DSCAM: variants seen among roughly 807,000 people sequenced by gnomAD.
The protein encoded by DSCAM is DS cell adhesion molecule, also known as cell adhesion molecule DSCAM.
A neutral mutation model predicts 217.7 loss-of-function variants in DSCAM; 47 were observed. The ratio of observed to expected loss-of-function variants is 0.22; its 90% CI spans 0.17 to 0.28. DSCAM has a LOEUF of 0.28. DSCAM is among the 10% of genes least tolerant of loss of function. The pLI is 1.00. For missense variants in DSCAM, 2,080 were observed against 2,618.3 expected, an observed-to-expected ratio of 0.79 and a Z score of 4.49; for synonymous variants, 1,056 against 1,015.3, an observed-to-expected ratio of 1.04 and a Z score of -0.76.
In DSCAM at chr21:40,093,854, G is replaced by C; in HGVS notation, c.3717C>G (p.Ala1239=). The C allele has an allele frequency of 1.2e-6, 2 of 1,613,768 alleles. No individual in the cohort carries two copies. The highest frequency in any genetic ancestry group is 1.7e-6 in the Non-Finnish European group (2 of 1,179,930). The change falls in exon 21 of 33, where the codon GCC becomes GCG. Residue 1239 remains alanine (A), a synonymous_variant. Transcript: ENST00000400454. ...PYPTVISEFE[A]SPDSFSYRIP... is the part of the protein sequence containing the mutation. ...TTCTGTAGGAAAACGAGTCGGGAGAGGCCTCAAACTCGCTGATCACCTGTA... is the reference window on the plus strand; with the variant it reads ...TTCTGTAGGAAAACGAGTCGGGAGACGCCTCAAACTCGCTGATCACCTGTA...
intron 3 of DSCAM, among the ~76,000 whole-genome samples, chr21:40,665,015 G>A (rs1293000569): frequency 1.3e-5 from 2 of 152,110 alleles, no homozygotes; most frequent in African/African-American, 2.4e-5. Context: ...TGTGGTGTGC[G>A]TGCTCCTGCT....
At chr21:40,384,333 C>T (rs146378121) in intron 3 of DSCAM, among the ~76,000 whole-genome samples, 3 of 152,086 alleles carry the variant, frequency 2.0e-5, no homozygotes, top group Non-Finnish European at 4.4e-5. Context: ...GAAGGCCTGG[C>T]GTGGTGGCTC....
At chr21:40,108,580 G>A (rs558749949) in intron 20 of DSCAM, among the ~76,000 whole-genome samples, 6 of 152,196 alleles carry the variant, frequency 3.9e-5, no homozygotes, top group African/African-American at 7.2e-5. Flanking sequence ...TACTACCCAC[G>A]CAACTTATAG....
At chr21:40,685,331 T>C (rs960796771) in intron 3 of DSCAM, among the ~76,000 whole-genome samples, 1 of 152,158 alleles carries the variant, frequency 6.6e-6, no homozygotes, top group Non-Finnish European at 1.5e-5. Flanking sequence ...ATTGGCAGCG[T>C]TCCCACCACC....
At chr21:40,278,280 T>C (rs2073715269) in intron 10 of DSCAM, among the ~76,000 whole-genome samples, 1 of 152,192 alleles carries the variant, frequency 6.6e-6, no homozygotes, top group African/African-American at 2.4e-5. Context: ...ATGCTTAACA[T>C]TTTCAGAAAG....
intron 4 of DSCAM, among the ~76,000 whole-genome samples, chr21:40,359,277 T>C (rs756235448): frequency 6.6e-6 from 1 of 152,210 alleles, no homozygotes; most frequent in African/African-American, 2.4e-5. Context: ...TGCTTAAGAA[T>C]GCCCCCTCAG....
chr21:40,452,756 T>C (rs775105948), intron 3 of DSCAM, among the ~76,000 whole-genome samples: 4 of 151,962 alleles, frequency 2.6e-5, no homozygotes, highest in Non-Finnish European at 4.4e-5. Flanking sequence ...TGCAAACCAT[T>C]CTCTACCAAG....
In DSCAM at chr21:40,369,155, C is replaced by T. The variant is rs1271387824; in HGVS notation, c.599G>A (p.Arg200Gln). The T allele has an allele frequency of 9.9e-6, 16 of 1,613,200 alleles. No homozygotes were observed. Among genetic ancestry groups the T allele is most frequent in the Admixed American group, 5.0e-5 (3 of 59,862 alleles). The stretch of plus-strand genomic sequence containing the variant: ...CCTCGTCTCTCCGGTGTATCGATGC[C>T]GCGTGATGCAGCGGTAGTTATACAA... ...DGLYNYRCIT[R>Q]HRYTGETRQS... The change falls in exon 4 of 33, where the codon CGG becomes CAG. Residue 200 changes from arginine (R) to glutamine (Q), a missense_variant. Physicochemically the swap from Arg to Gln is conservative, Grantham distance 43 (BLOSUM62 1). This residue lies in a region of DSCAM where 568 missense variants were observed against 678.1 expected (regional missense o/e 0.84). Transcript: ENST00000400454.
At chr21:40,631,401 C>T (rs544806540) in intron 3 of DSCAM, among the ~76,000 whole-genome samples, 1 of 152,346 alleles carries the variant, frequency 6.6e-6, no homozygotes, top group Non-Finnish European at 1.5e-5. Context: ...TTGCCTCATT[C>T]AACCACTTTT....
intron 17 of DSCAM, among the ~76,000 whole-genome samples, chr21:40,143,779 G>A (rs1335905306): frequency 6.6e-6 from 1 of 152,078 alleles, no homozygotes; most frequent in Non-Finnish European, 1.5e-5. Context: ...AGAGAGAGCC[G>A]GACTCCGTCT....
chr21:40,325,030 G>GCT (rs1569064344), intron 8 of DSCAM, among the ~76,000 whole-genome samples: 2 of 152,046 alleles, frequency 1.3e-5, no homozygotes, highest in East Asian at 3.9e-4. Context: ...TTTCCAATTA[G>GCT]TTTTTTTACA....
intron 11 of DSCAM, among the ~76,000 whole-genome samples, chr21:40,271,492 G>A (rs1002190363): frequency 2.6e-5 from 4 of 152,188 alleles, no homozygotes; most frequent in Admixed American, 1.3e-4. Flanking sequence ...CGGGGAGGAT[G>A]TAATTTGGGC....
chr21:40,435,717 T>C (rs1784085766), intron 3 of DSCAM, among the ~76,000 whole-genome samples: 1 of 152,196 alleles, frequency 6.6e-6, no homozygotes, highest in African/African-American at 2.4e-5. Flanking sequence ...TATTTCTGGG[T>C]TCTCTATTCA....
At chr21:40,520,640 C>G (rs1164386787) in intron 3 of DSCAM, among the ~76,000 whole-genome samples, 1 of 151,914 alleles carries the variant, frequency 6.6e-6, no homozygotes, top group Non-Finnish European at 1.5e-5. Context: ...AACCCCATCT[C>G]TATTAAAAAT....
chr21:40,164,230 G>A (rs8130234), intron 16 of DSCAM, among the ~76,000 whole-genome samples: 25,514 of 152,136 alleles, frequency 0.17, 2,481 homozygotes, highest in East Asian at 0.32. Context: ...CATCTTCATG[G>A]GGGCAGTCAT....
At chr21:40,768,014 G>A (rs1343572747) in intron 1 of DSCAM, among the ~76,000 whole-genome samples, 1 of 152,100 alleles carries the variant, frequency 6.6e-6, no homozygotes. Context: ...AAAAAATCAA[G>A]AATAATGAAT....
At chr21:40,098,108 G>C (rs1406942311) in intron 20 of DSCAM, among the ~76,000 whole-genome samples, 2 of 151,794 alleles carry the variant, frequency 1.3e-5, no homozygotes, top group African/African-American at 4.8e-5. Flanking sequence ...ATATGGAATG[G>C]CTATAGTAAT....
intron 16 of DSCAM, among the ~76,000 whole-genome samples, chr21:40,160,219 T>C (rs1199455968): frequency 6.6e-6 from 1 of 152,190 alleles, no homozygotes; most frequent in Admixed American, 6.5e-5. Context: ...AACTCAGAAC[T>C]AGAGAAAAGG....
intron 11 of DSCAM, among the ~76,000 whole-genome samples, chr21:40,197,517 G>A (rs1432191707): frequency 6.6e-6 from 1 of 152,026 alleles, no homozygotes; most frequent in Non-Finnish European, 1.5e-5. Flanking sequence ...CTAATGCAAA[G>A]TTCTATTTTA....
Sources: gnomAD v4.1 joint callset for allele counts (sites outside exome capture counted in the v4.1 genomes callset) on GRCh38, gnomAD v4.1.1 for gene constraint, gnomAD v4.1.1 regional missense constraint, MANE v1.5 for transcripts, NCBI Gene and HGNC (gene_info 2026-07-23, HGNC 2026-07-21) for gene names.